Variants in PIWIL2 observed in about 807,000 individuals in gnomAD.
PIWIL2 encodes piwi like RNA-mediated gene silencing 2.
Under a neutral mutation model 116.5 loss-of-function variants are expected in PIWIL2, and 81 were observed. That is an observed-to-expected ratio of 0.70 (90% CI 0.58 to 0.84). The LOEUF (loss-of-function observed/expected upper bound fraction) is 0.84, where lower values mean the gene tolerates loss of function less well. Among genes scored for constraint, PIWIL2 ranks in the 40% least tolerant of loss-of-function variants. PIWIL2 has a pLI of 0.00. For synonymous variants in PIWIL2, 489 were observed against 429.5 expected, an observed-to-expected ratio of 1.14 and a Z score of -1.71; for missense variants, 1,272 against 1,212.3, an observed-to-expected ratio of 1.05 and a Z score of -0.73.
chr8:22,307,473 A>AATTTTT (rs1563379262), intron 13 of PIWIL2, among the ~76,000 whole-genome samples: 1 of 111,258 alleles, frequency 9.0e-6, no homozygotes, highest in South Asian at 2.4e-4. Flanking sequence ...TTTATTATTC[A>AATTTTT]TTTTTTTTTT....
intron 10 of PIWIL2, among the ~76,000 whole-genome samples, chr8:22,291,916 A>G (rs375244524): frequency 4.0e-4 from 61 of 152,188 alleles, no homozygotes; most frequent in African/African-American, 1.4e-3. Flanking sequence ...GAAAAAAGAA[A>G]AAGAGCACAC....
chr8:22,341,773 C>T (rs753370190), intron 20 of PIWIL2, among the ~76,000 whole-genome samples: 1 of 152,024 alleles, frequency 6.6e-6, no homozygotes, highest in Non-Finnish European at 1.5e-5. Context: ...CAGCTTCCTC[C>T]TGGAAGTCCT....
intron 18 of PIWIL2, 136 bp downstream of exon 18, chr8:22,315,281 C>G: frequency 1.7e-6 from 1 of 597,688 alleles, no homozygotes; most frequent in Non-Finnish European, 3.0e-6. Context: ...CTCTTCAGCC[C>G]ATTATCTAAG....
chr8:22,348,885 T>C (rs1445303175), intron 20 of PIWIL2, among the ~76,000 whole-genome samples: 2 of 152,292 alleles, frequency 1.3e-5, no homozygotes, highest in East Asian at 1.9e-4. Context: ...TTAACATTGT[T>C]GATTATTTTT....
chr8:22,345,386 C>G (rs1003212527), intron 20 of PIWIL2, among the ~76,000 whole-genome samples: 1 of 152,144 alleles, frequency 6.6e-6, no homozygotes, highest in Admixed American at 6.6e-5. Context: ...ATGGGCCAGG[C>G]GCAGTGGCTC....
Position 22,279,599 on chromosome 8 carries a change from G to A in PIWIL2, c.198+15G>A, listed in dbSNP as rs372768742. ...CAGCACAAAGGGTAAGACCACTTCCGGATGCATAGGAGTGGCATACAGCTT... is the reference window on the plus strand; with the variant it reads ...CAGCACAAAGGGTAAGACCACTTCCAGATGCATAGGAGTGGCATACAGCTT... On this transcript the variant is annotated intron_variant, in intron 2 of 22. Coordinates refer to ENST00000356766, the MANE Select transcript of PIWIL2 (RefSeq NM_018068.5). The A allele has an allele frequency of 2.1e-4, 339 of 1,608,438 alleles. No individual in the cohort carries two copies. The highest frequency in any genetic ancestry group is 2.7e-4 in the Admixed American group (16 of 60,002).
At chr8:22,336,644 T>C (rs765251860) in intron 20 of PIWIL2, among the ~76,000 whole-genome samples, 5 of 152,120 alleles carry the variant, frequency 3.3e-5, no homozygotes, top group Non-Finnish European at 7.4e-5. Flanking sequence ...CAGTGGCTCA[T>C]GCTTGTAGTT....
chr8:22,353,764 C>CCTTTTTTTTTT (rs1832427021), intron 21 of PIWIL2, among the ~76,000 whole-genome samples: 2 of 68,328 alleles, frequency 2.9e-5, no homozygotes, highest in African/African-American at 5.8e-5. Flanking sequence ...GTTTCTACCA[C>CCTTTTTTTTTT]TTTTTTTTTT....
At chr8:22,334,654 C>T (rs1831939381) in intron 20 of PIWIL2, among the ~76,000 whole-genome samples, 4 of 152,074 alleles carry the variant, frequency 2.6e-5, no homozygotes, top group Admixed American at 2.6e-4. Context: ...TTGGGTCAAG[C>T]CCAACTGTCT....
chr8:22,279,322 C>A lies in PIWIL2; in HGVS notation c.-46-19C>A, dbSNP rs1394735851. On this transcript the variant is annotated intron_variant, in intron 1 of 22. Transcript: ENST00000356766. ...AAGGAAAACAATTGGGAATCTTAAT[C>A]TTTTGAAAATGATGGCAGGTAATTA... 1.6e-6 allele frequency: 2 copies of A among 1,255,444 alleles called. No homozygotes were observed. The highest frequency in any genetic ancestry group is 1.2e-6 in the Non-Finnish European group (1 of 854,018). The allele number at this position is 1,255,444 out of a possible 1,614,324, so 77.8% of individuals were successfully genotyped here. A position where few individuals can be genotyped will look rare whatever the true frequency, so the allele number is the denominator to read the frequency against.
At chr8:22,303,882 A>G in intron 10 of PIWIL2, 139 bp from the exon 11 acceptor site, 1 of 480,368 alleles carries the variant, frequency 2.1e-6, no homozygotes, top group Middle Eastern at 5.3e-4. Flanking sequence ...TCTGGCCAAG[A>G]GTCCCATCTT....
chr8:22,306,694 AT>A (rs1471266834), intron 13 of PIWIL2, among the ~76,000 whole-genome samples: 2 of 152,202 alleles, frequency 1.3e-5, no homozygotes, highest in African/African-American at 2.4e-5. Context: ...TTTTGGTAAC[AT>A]CATAAAGAAA....
intron 6 of PIWIL2, among the ~76,000 whole-genome samples, chr8:22,287,095 A>G (rs749034225): frequency 6.6e-6 from 1 of 151,606 alleles, no homozygotes; most frequent in Non-Finnish European, 1.5e-5. Flanking sequence ...AAAAAAAAAA[A>G]GGGAGATGGG....
intron 20 of PIWIL2, 156 bp from the exon 21 acceptor site, chr8:22,352,803 G>C: frequency 1.5e-6 from 1 of 661,816 alleles, no homozygotes; most frequent in Non-Finnish European, 2.5e-6. Context: ...ATGATTAGAA[G>C]CTTTTTTTCC....
intron 20 of PIWIL2, among the ~76,000 whole-genome samples, chr8:22,347,971 AT>A (rs1002559090): frequency 6.6e-6 from 1 of 151,898 alleles, no homozygotes; most frequent in African/African-American, 2.4e-5. Flanking sequence ...CCCCTTTTTA[AT>A]TTGAGTTCCA....
At chr8:22,322,217 G>A (rs1052676929) in intron 20 of PIWIL2, among the ~76,000 whole-genome samples, 14 of 151,544 alleles carry the variant, frequency 9.2e-5, no homozygotes, top group African/African-American at 2.9e-4. Flanking sequence ...TCCTTTTTCT[G>A]TAACTAGGCT....
At chr8:22,352,248 C>A (rs2132114092) in intron 20 of PIWIL2, among the ~76,000 whole-genome samples, 1 of 152,274 alleles carries the variant, frequency 6.6e-6, no homozygotes. Context: ...CCTGGCCCTT[C>A]TTGAATTATT....
At chr8:22,285,440 A>G (rs978742574) in intron 6 of PIWIL2, among the ~76,000 whole-genome samples, 5 of 152,126 alleles carry the variant, frequency 3.3e-5, no homozygotes, top group African/African-American at 1.2e-4. Flanking sequence ...TCCGTTGTGT[A>G]TGTATACCAC....
chr8:22,275,558 G>A (rs1046577230), intron 1 of PIWIL2, 160 bp downstream of exon 1: 2 of 152,300 alleles, frequency 1.3e-5, no homozygotes, highest in African/African-American at 2.4e-5. Context: ...GCGGGGGCGG[G>A]AAGTCGTTAT....
Sources: allele counts gnomAD v4.1 joint callset (sites outside exome capture counted in the v4.1 genomes callset), GRCh38; gene constraint gnomAD v4.1.1; transcripts MANE v1.5; gene names NCBI Gene and HGNC (gene_info 2026-07-23, HGNC 2026-07-21).